TRPM3: variants seen among roughly 807,000 people sequenced by gnomAD.
TRPM3 encodes the protein long transient receptor potential channel 3.
Under a neutral mutation model 181.2 loss-of-function variants are expected in TRPM3, and 77 were observed. That is an observed-to-expected ratio of 0.42 (90% CI 0.35 to 0.51). The LOEUF (loss-of-function observed/expected upper bound fraction) is 0.51, where lower values mean the gene tolerates loss of function less well. TRPM3 is among the 20% of genes least tolerant of loss of function. The pLI is 0.01. For missense variants in TRPM3, 1,759 were observed against 2,196.7 expected (o/e 0.80, Z 3.98); for synonymous variants, 745 against 796.4 (o/e 0.94, Z 1.09).
chr9:71,239,133 C>T (rs192785189), intron 1 of TRPM3, among the ~76,000 whole-genome samples: 2 of 152,126 alleles, frequency 1.3e-5, no homozygotes, highest in East Asian at 1.9e-4. Flanking sequence ...AAATCCAATG[C>T]GGAACATTTA....
intron 1 of TRPM3, among the ~76,000 whole-genome samples, chr9:71,206,258 T>C (rs554293919): frequency 2.0e-5 from 3 of 152,286 alleles, no homozygotes; most frequent in Admixed American, 2.0e-4. Flanking sequence ...CCAGTATCTG[T>C]TGTTTCCTGA....
chr9:71,340,934 A>G (rs2090920312), intron 1 of TRPM3, among the ~76,000 whole-genome samples: 1 of 152,112 alleles, frequency 6.6e-6, no homozygotes, highest in South Asian at 2.1e-4. Context: ...AAAACGCAAC[A>G]ACAACCATCA....
At chr9:70,603,717 CTA>C (rs751911890) in intron 19 of TRPM3, among the ~76,000 whole-genome samples, 2 of 152,366 alleles carry the variant, frequency 1.3e-5, no homozygotes, top group East Asian at 3.9e-4. Context: ...TCGTTTAAAT[CTA>C]TGTGTCATGA....
intron 6 of TRPM3, chr9:70,825,934 G>A (rs181370098): frequency 2.9e-4 from 44 of 152,272 alleles, no homozygotes; most frequent in African/African-American, 1.0e-3. Context: ...CCCTTTGCTG[G>A]GTGTGTAACT....
intron 1 of TRPM3, among the ~76,000 whole-genome samples, chr9:71,244,005 T>C (rs1026120849): frequency 6.6e-5 from 10 of 152,286 alleles, no homozygotes; most frequent in African/African-American, 2.4e-4. Flanking sequence ...CCAGTTCACA[T>C]GTCTTAGATT....
chr9:70,878,125 T>C (rs2095905532), intron 1 of TRPM3, among the ~76,000 whole-genome samples: 1 of 152,104 alleles, frequency 6.6e-6, no homozygotes, highest in Non-Finnish European at 1.5e-5. Flanking sequence ...GATTCCAATG[T>C]TAATGATTTG....
chr9:71,388,544 G>GT (rs2092983499), intron 1 of TRPM3, among the ~76,000 whole-genome samples: 1 of 152,080 alleles, frequency 6.6e-6, no homozygotes, highest in Non-Finnish European at 1.5e-5. Context: ...TAAGAAAAAT[G>GT]TAAGTCATCA....
At chr9:71,179,591 C>T (rs1016116204) in intron 1 of TRPM3, among the ~76,000 whole-genome samples, 30 of 152,098 alleles carry the variant, frequency 2.0e-4, no homozygotes, top group African/African-American at 7.2e-4. Context: ...ATGAAATTTA[C>T]TCTGTAGAAA....
At chr9:71,179,946 G>A (rs1360342860) in intron 1 of TRPM3, among the ~76,000 whole-genome samples, 1 of 151,800 alleles carries the variant, frequency 6.6e-6, no homozygotes, top group Admixed American at 6.6e-5. Flanking sequence ...CATCACTGGA[G>A]GAAACTGCTT....
At chr9:71,106,239 A>G (rs1046401132) in intron 1 of TRPM3, among the ~76,000 whole-genome samples, 9 of 152,194 alleles carry the variant, frequency 5.9e-5, no homozygotes, top group African/African-American at 2.2e-4. Flanking sequence ...CTGCAAAGTA[A>G]TGCTCATGAT....
chr9:70,685,448 C>T (rs1367487834), intron 8 of TRPM3, among the ~76,000 whole-genome samples: 1 of 152,148 alleles, frequency 6.6e-6, no homozygotes, highest in Non-Finnish European at 1.5e-5. Context: ...CTCTGTTGCC[C>T]AGGCTGGAGT....
intron 1 of TRPM3, among the ~76,000 whole-genome samples, chr9:71,016,260 ATCTGTGTGTG>A: frequency 1.4e-5 from 1 of 72,176 alleles, no homozygotes; most frequent in Admixed American, 1.6e-4. Flanking sequence ...GTGTGTGTGT[ATCTGTGTGTG>A]TATAATGTAA....
chr9:70,671,538 T>TA (rs1563930061), intron 9 of TRPM3, among the ~76,000 whole-genome samples: 7 of 151,634 alleles, frequency 4.6e-5, no homozygotes, highest in African/African-American at 1.7e-4. Context: ...GTGATTATTA[T>TA]AATAAACATT....
chr9:70,565,543 T>C (rs1398098025), intron 22 of TRPM3, among the ~76,000 whole-genome samples: 3 of 152,020 alleles, frequency 2.0e-5, no homozygotes, highest in Non-Finnish European at 2.9e-5. Context: ...TCCACCCACC[T>C]TGGCCTCCCA....
At chr9:70,588,197 C>T (rs2057478634) in intron 22 of TRPM3, among the ~76,000 whole-genome samples, 1 of 152,126 alleles carries the variant, frequency 6.6e-6, no homozygotes, top group Non-Finnish European at 1.5e-5. Flanking sequence ...AGTTTCATTC[C>T]AGTATCTTAG....
chr9:71,077,582 T>C (rs962748700), intron 1 of TRPM3, among the ~76,000 whole-genome samples: 5 of 152,174 alleles, frequency 3.3e-5, no homozygotes, highest in African/African-American at 1.2e-4. Flanking sequence ...TGTTTGAAGT[T>C]TGAGGTACCA....
chr9:71,400,187 C>T (rs1233196525), intron 1 of TRPM3, among the ~76,000 whole-genome samples: 1 of 152,146 alleles, frequency 6.6e-6, no homozygotes, highest in African/African-American at 2.4e-5. Context: ...TTTGCCACTC[C>T]TGGACTCAAG....
At chr9:71,417,960 A>G (rs1456514180) in intron 1 of TRPM3, among the ~76,000 whole-genome samples, 2 of 152,026 alleles carry the variant, frequency 1.3e-5, no homozygotes, top group African/African-American at 2.4e-5. Context: ...TTAAGTTTCT[A>G]AAAAGACTAA....
intron 1 of TRPM3, among the ~76,000 whole-genome samples, chr9:71,044,474 C>A (rs537401834): frequency 5.3e-5 from 8 of 152,178 alleles, no homozygotes; most frequent in Non-Finnish European, 1.0e-4. Context: ...AGCTTCCAGT[C>A]GTCTTTCACT....
Sources: allele counts gnomAD v4.1 joint callset (sites outside exome capture counted in the v4.1 genomes callset), GRCh38; gene constraint gnomAD v4.1.1; transcripts MANE v1.5; gene names NCBI Gene and HGNC (gene_info 2026-07-23, HGNC 2026-07-21).